The following NEURL1 variants were observed in gnomAD, a reference collection of about 807,000 sequenced individuals.
The protein encoded by NEURL1 is E3 ubiquitin-protein ligase NEURL1.
NEURL1 carries 26 observed loss-of-function variants against 41.2 expected under a neutral mutation model. That is an observed-to-expected ratio of 0.63 (90% CI 0.46 to 0.87). The LOEUF is 0.87. Ranked by LOEUF, NEURL1 falls within the 40% of genes least tolerant of loss-of-function variation. NEURL1 has a pLI of 0.00. For missense variants in NEURL1, 761 were observed against 871.1 expected, an observed-to-expected ratio of 0.87 and a Z score of 1.59; for synonymous variants, 400 against 402.3, an observed-to-expected ratio of 0.99 and a Z score of 0.07.
intron 1 of NEURL1, among the ~76,000 whole-genome samples, chr10:103,514,112 C>A (rs1050994456): frequency 4.0e-5 from 6 of 150,148 alleles, no homozygotes; most frequent in Non-Finnish European, 8.9e-5. Context: ...CTTTTTTTTT[C>A]TTTTTTTTGA....
At chr10:103,575,419 T>C (rs1044616001) in intron 3 of NEURL1, among the ~76,000 whole-genome samples, 16 of 152,196 alleles carry the variant, frequency 1.1e-4, no homozygotes, top group Non-Finnish European at 1.8e-4. Flanking sequence ...CTGCCAGGCC[T>C]GCCCCTGCCC....
rs550182971 is a variant in NEURL1, at chr10:103,558,468, A to G, written c.86-12404A>G. Among the ~76,000 whole-genome samples, 4 of 150,476 alleles carry G rather than the reference A, an allele frequency of 2.7e-5. No homozygotes were observed. The East Asian group carries it at 7.8e-4, about 30-fold the overall frequency. The stretch of plus-strand genomic sequence containing the variant: ...CGGGCCTGTGTTTCCATGCGGGGGC[A>G]GCCACATCTGTGGTACTCTGTGCCT... On this transcript the variant is annotated intron_variant, in intron 1 of 5. Transcript: ENST00000369780. The surrounding 1 kb of genome is among the most constrained non-coding windows in gnomAD (Gnocchi z 4.2).
At position 103,494,157 on chromosome 10, in the gene NEURL1, A is replaced by C; in HGVS notation, c.-231A>C. 4.4e-6 allele frequency: 2 copies of C among 455,192 alleles called. No homozygotes were observed. The highest frequency in any genetic ancestry group is 4.6e-5 in the Admixed American group (1 of 21,784). The allele number at this position is 455,192 out of a possible 1,614,324, so 28.2% of individuals were successfully genotyped here. On this transcript the variant is annotated 5_prime_UTR_variant, in exon 1 of 6. Coordinates refer to ENST00000369780, the MANE Select transcript of NEURL1 (RefSeq NM_004210.5). Reference sequence around the variant, plus strand: ...CCCCGCTCCCGCCACGGGGCATGGGAGGCAGGTAGCCCAGCCTGCGCCAGG... The same window carrying C: ...CCCCGCTCCCGCCACGGGGCATGGGCGGCAGGTAGCCCAGCCTGCGCCAGG...
At chr10:103,512,561 C>T (rs2034097139) in intron 1 of NEURL1, among the ~76,000 whole-genome samples, 1 of 152,140 alleles carries the variant, frequency 6.6e-6, no homozygotes, top group South Asian at 2.1e-4. Flanking sequence ...CTTTGGAAGG[C>T]TGAAGTGGGT....
chr10:103,583,705 CAAAAAAAAAAAAAAAA>C lies in NEURL1; in HGVS notation c.650-819_650-804del, dbSNP rs1228630032. ...TGGGCCACAGAGCAAGATCCTGTCT[CAAAAAAAAAAAAAAAA>C]AAAAAAAAAAAGCCAAACAAACAAA... On this transcript the variant is annotated intron_variant, in intron 3 of 5. Coordinates refer to ENST00000369780, the MANE Select transcript of NEURL1 (RefSeq NM_004210.5). 4.6e-4 allele frequency among the ~76,000 whole-genome samples: 9 copies of C among 19,562 alleles called. 1 individual carries two copies. The highest frequency in any genetic ancestry group is 9.7e-4 in the Admixed American group (1 of 1,030). 12.8% of individuals were successfully genotyped at this position (19,562 alleles called of 152,430 possible). A position where few individuals can be genotyped will look rare whatever the true frequency, so the allele number is the denominator to read the frequency against.
Position 103,570,877 on chromosome 10 carries a change from A to G in NEURL1, c.91A>G (p.Ile31Val), listed in dbSNP as rs201991283. Reference protein sequence around the residue: ...RGHPQNLKDSIGGPFPVTSHR... With the variant: ...RGHPQNLKDSVGGPFPVTSHR... The stretch of plus-strand genomic sequence containing the variant: ...CGTGGCCTGTTCCTTTGCAGACTCT[A>G]TCGGGGGCCCCTTCCCCGTCACTTC... The change falls in exon 2 of 6, where the codon ATC (isoleucine) becomes GTC (valine). Residue 31 changes from isoleucine (I) to valine (V), a missense_variant. Ile to Val is a conservative substitution (Grantham distance 29). Around this residue, in one of 5 missense-constraint regions of NEURL1, gnomAD observed 94 missense variants for 96.6 expected, o/e 0.97. Coordinates refer to ENST00000369780, the MANE Select transcript of NEURL1 (RefSeq NM_004210.5). 53 of 1,612,976 alleles carry G rather than the reference A, an allele frequency of 3.3e-5. No individual in the cohort carries two copies. Among genetic ancestry groups the G allele is most frequent in the Middle Eastern group, 1.6e-4 (1 of 6,080 alleles).
chr10:103,585,422 T>TG (rs1014510501), intron 4 of NEURL1, among the ~76,000 whole-genome samples, 197 bp downstream of exon 4: 4 of 152,202 alleles, frequency 2.6e-5, no homozygotes, highest in African/African-American at 9.6e-5. Flanking sequence ...GAGACTCACC[T>TG]GGGGGGTGAG....
At chr10:103,585,300 G>T (rs2035896056) in intron 4 of NEURL1, 75 bp downstream of exon 4, 2 of 1,267,730 alleles carry the variant, frequency 1.6e-6, no homozygotes, top group Non-Finnish European at 2.1e-6. Context: ...GACAAAGGGC[G>T]AGCTCCCCTT....
chr10:103,521,945 A>AGT (rs1463001112), intron 1 of NEURL1, among the ~76,000 whole-genome samples: 2 of 150,620 alleles, frequency 1.3e-5, no homozygotes, highest in Non-Finnish European at 3.0e-5. Context: ...CAGTGAAGAG[A>AGT]TAGGGTTGGG....
At chr10:103,543,881 C>G (rs1008590850) in intron 1 of NEURL1, among the ~76,000 whole-genome samples, 1 of 151,608 alleles carries the variant, frequency 6.6e-6, no homozygotes, top group African/African-American at 2.4e-5. Flanking sequence ...TGTTCTAGAA[C>G]ACAACTGGCT....
chr10:103,557,693 C>T (rs1056927178), intron 1 of NEURL1, among the ~76,000 whole-genome samples: 8 of 152,214 alleles, frequency 5.3e-5, no homozygotes, highest in Admixed American at 2.6e-4. Flanking sequence ...CATGCATCCA[C>T]GCCCATGTGT....
intron 3 of NEURL1, among the ~76,000 whole-genome samples, chr10:103,580,561 C>T (rs1365388740): frequency 1.3e-5 from 2 of 152,182 alleles, no homozygotes; most frequent in African/African-American, 2.4e-5. Flanking sequence ...TGACCTTTGC[C>T]GTCCCTTCTG....
At chr10:103,513,792 A>G (rs2034132483) in intron 1 of NEURL1, among the ~76,000 whole-genome samples, 1 of 151,696 alleles carries the variant, frequency 6.6e-6, no homozygotes, top group African/African-American at 2.4e-5. Flanking sequence ...AGGGGTGCGG[A>G]TGAATCTGGC....
chr10:103,542,598 A>T (rs2133864416), intron 1 of NEURL1, among the ~76,000 whole-genome samples: 1 of 152,234 alleles, frequency 6.6e-6, no homozygotes, highest in Admixed American at 6.5e-5. Flanking sequence ...GGTGATGCTG[A>T]TGTGCAACCA....
intron 1 of NEURL1, among the ~76,000 whole-genome samples, chr10:103,496,142 C>T (rs1380350570): frequency 6.6e-6 from 1 of 151,888 alleles, no homozygotes; most frequent in Non-Finnish European, 1.5e-5. Flanking sequence ...GTTTGTTGAC[C>T]TTGTAATTCT....
At chr10:103,572,821 A>G (rs959042475) in intron 3 of NEURL1, among the ~76,000 whole-genome samples, 2 of 152,130 alleles carry the variant, frequency 1.3e-5, no homozygotes, top group Non-Finnish European at 1.5e-5. Flanking sequence ...CAGCTTCCTC[A>G]GCTGTGAAAT....
intron 1 of NEURL1, among the ~76,000 whole-genome samples, chr10:103,538,741 A>G (rs1592206553): frequency 7.3e-6 from 1 of 136,864 alleles, no homozygotes; most frequent in African/African-American, 2.8e-5. Context: ...CCGCCTCCCG[A>G]GTTCAAGTGA....
intron 5 of NEURL1, 97 bp downstream of exon 5, chr10:103,589,757 G>T (rs1271619897): frequency 4.8e-5 from 71 of 1,476,570 alleles, no homozygotes; most frequent in Non-Finnish European, 6.4e-5. Flanking sequence ...AGGAGCTGGA[G>T]TTGGGCTCAG....
intron 1 of NEURL1, among the ~76,000 whole-genome samples, chr10:103,531,845 A>G (rs1327286759): frequency 6.6e-6 from 1 of 152,024 alleles, no homozygotes. Flanking sequence ...AGATCTAATA[A>G]TTTATGCTTT....
Sources: gnomAD v4.1 joint callset for allele counts (sites outside exome capture counted in the v4.1 genomes callset) on GRCh38, gnomAD v4.1.1 for gene constraint, gnomAD v4.1.1 regional missense constraint, Gnocchi (gnomAD v3.1) non-coding constraint, MANE v1.5 for transcripts, NCBI Gene and HGNC (gene_info 2026-07-23, HGNC 2026-07-21) for gene names.